Variants in IQCM observed in about 807,000 individuals in gnomAD.
The protein encoded by IQCM is IQ motif containing M.
A neutral mutation model predicts 57.6 loss-of-function variants in IQCM; 45 were observed. The ratio of observed to expected loss-of-function variants is 0.78; its 90% CI spans 0.62 to 1.00. The LOEUF (loss-of-function observed/expected upper bound fraction) is 1.00, where lower values mean the gene tolerates loss of function less well. Among genes scored for constraint, IQCM ranks in the 50% least tolerant of loss-of-function variants. The pLI is 0.00. For missense variants in IQCM, 468 were observed against 511.6 expected (o/e 0.91, Z 0.82); for synonymous variants, 148 against 158.9 (o/e 0.93, Z 0.51).
intron 13 of IQCM, among the ~76,000 whole-genome samples, chr4:149,360,906 C>G (rs1729433555): frequency 6.6e-6 from 1 of 152,132 alleles, no homozygotes. Context: ...GAAGTTGGAA[C>G]AGTTTGGAGG....
chr4:149,381,549 T>TAGAATAAAA (rs1731077047), intron 13 of IQCM, among the ~76,000 whole-genome samples: 1 of 152,088 alleles, frequency 6.6e-6, no homozygotes, highest in Non-Finnish European at 1.5e-5. Context: ...CCTTTGCTGT[T>TAGAATAAAA]CACTCCACTT....
intron 2 of IQCM, among the ~76,000 whole-genome samples, chr4:149,775,037 T>C (rs1002597448): frequency 7.6e-5 from 9 of 117,852 alleles, no homozygotes; most frequent in African/African-American, 3.3e-4. Flanking sequence ...GAGTTCTTTT[T>C]GCCAAAAAAA....
chr4:149,750,123 TTTGC>T (rs1768292452), intron 2 of IQCM, among the ~76,000 whole-genome samples: 1 of 152,218 alleles, frequency 6.6e-6, no homozygotes, highest in South Asian at 2.1e-4. Context: ...ACTAATGGGC[TTTGC>T]TTATTTAATT....
At chr4:149,814,331 C>T (rs1774856703) in intron 2 of IQCM, among the ~76,000 whole-genome samples, 1 of 151,928 alleles carries the variant, frequency 6.6e-6, no homozygotes, top group African/African-American at 2.4e-5. Flanking sequence ...ATGTTACAAG[C>T]CTGTAACTTC....
intron 7 of IQCM, among the ~76,000 whole-genome samples, chr4:149,662,818 T>C (rs1236011359): frequency 6.6e-6 from 1 of 152,038 alleles, no homozygotes; most frequent in Non-Finnish European, 1.5e-5. Flanking sequence ...GAGTACCTTA[T>C]TGGCAGCATA....
intron 2 of IQCM, among the ~76,000 whole-genome samples, chr4:149,769,300 A>T (rs1770344512): frequency 6.6e-6 from 1 of 152,050 alleles, no homozygotes; most frequent in African/African-American, 2.4e-5. Flanking sequence ...CCTGCTGGAC[A>T]TATCCGCCCC....
chr4:149,527,859 A>G (rs1746315247), intron 12 of IQCM, among the ~76,000 whole-genome samples: 1 of 152,202 alleles, frequency 6.6e-6, no homozygotes, highest in Non-Finnish European at 1.5e-5. Flanking sequence ...TTCAAAGAAT[A>G]ATGCCACTTT....
chr4:149,587,886 A>G (rs78369754), intron 9 of IQCM, 44 bp downstream of exon 9: 8 of 898,754 alleles, frequency 8.9e-6, no homozygotes, highest in Non-Finnish European at 1.2e-5. Flanking sequence ...AACAACAAAA[A>G]TGAGTGCATT....
intron 7 of IQCM, among the ~76,000 whole-genome samples, chr4:149,667,896 A>AGTATCT (rs1760880780): frequency 1.3e-5 from 2 of 151,940 alleles, no homozygotes; most frequent in South Asian, 4.1e-4. Context: ...GAAAAGGAAC[A>AGTATCT]AAAAAAGCTT....
chr4:149,674,539 G>C (rs551602859), intron 7 of IQCM, among the ~76,000 whole-genome samples: 3 of 152,222 alleles, frequency 2.0e-5, no homozygotes, highest in African/African-American at 7.2e-5. Context: ...CTATGCCTAT[G>C]ACAGAGTAGT....
At chr4:149,777,314 G>A (rs1771182323) in intron 2 of IQCM, among the ~76,000 whole-genome samples, 1 of 152,148 alleles carries the variant, frequency 6.6e-6, no homozygotes, top group Admixed American at 6.5e-5. Flanking sequence ...AGCATTCAAT[G>A]CAGACAAGGG....
chr4:149,719,133 T>G (rs965128634), intron 5 of IQCM, among the ~76,000 whole-genome samples: 2 of 151,614 alleles, frequency 1.3e-5, no homozygotes, highest in Non-Finnish European at 2.9e-5. Flanking sequence ...TCACCTGAGG[T>G]CAGGAGTTCG....
chr4:149,530,833 G>T (rs73859760), intron 12 of IQCM, among the ~76,000 whole-genome samples: 1 of 106,172 alleles, frequency 9.4e-6, no homozygotes, highest in Non-Finnish European at 1.8e-5. Context: ...CACTAATTGC[G>T]TTCAGTTAAC....
At chr4:149,372,193 A>G (rs1006448391) in intron 13 of IQCM, among the ~76,000 whole-genome samples, 2 of 152,096 alleles carry the variant, frequency 1.3e-5, no homozygotes, top group African/African-American at 4.8e-5. Flanking sequence ...TGTTACCTAC[A>G]TTTTCAGATA....
chr4:149,699,952 G>A (rs1763642603), intron 5 of IQCM, among the ~76,000 whole-genome samples: 1 of 151,880 alleles, frequency 6.6e-6, no homozygotes, highest in African/African-American at 2.4e-5. Context: ...CGGAGGAGGG[G>A]GAAATGTGCC....
intron 13 of IQCM, among the ~76,000 whole-genome samples, chr4:149,395,031 A>G (rs571711034): frequency 3.3e-5 from 5 of 152,016 alleles, no homozygotes; most frequent in Non-Finnish European, 7.4e-5. Flanking sequence ...TCCACCAAAT[A>G]AAACCTAGCT....
chr4:149,600,252 A>G (rs771802723), intron 8 of IQCM, among the ~76,000 whole-genome samples: 2 of 152,184 alleles, frequency 1.3e-5, no homozygotes, highest in African/African-American at 2.4e-5. Flanking sequence ...ATATCTAACA[A>G]TTAGAGTCTG....
intron 2 of IQCM, among the ~76,000 whole-genome samples, chr4:149,810,072 C>A (rs1774420934): frequency 6.6e-6 from 1 of 151,960 alleles, no homozygotes; most frequent in Admixed American, 6.6e-5. Context: ...CTGCTTTTTC[C>A]TCCCCACAGG....
intron 5 of IQCM, among the ~76,000 whole-genome samples, chr4:149,698,585 A>G (rs1446615374): frequency 6.6e-6 from 1 of 152,154 alleles, no homozygotes; most frequent in African/African-American, 2.4e-5. Context: ...ATGTACTACA[A>G]AAACGTAACT....
Sources: gnomAD v4.1 joint callset for allele counts (sites outside exome capture counted in the v4.1 genomes callset) on GRCh38, gnomAD v4.1.1 for gene constraint, MANE v1.5 for transcripts, NCBI Gene and HGNC (gene_info 2026-07-23, HGNC 2026-07-21) for gene names.